The following SAMMSON variants were observed in gnomAD, a reference collection of about 807,000 sequenced individuals.
SAMMSON encodes the protein survival associated mitochondrial melanoma specific oncogenic non-coding RNA.
chr3:70,299,675 A>G (rs1385302863), intron 7 of SAMMSON, among the ~76,000 whole-genome samples: 3 of 152,084 alleles, frequency 2.0e-5, no homozygotes, highest in Non-Finnish European at 2.9e-5. Context: ...TGTGGATGCA[A>G]CAAGCTTCTA....
At chr3:70,171,286 C>T (rs1700944496) in intron 4 of SAMMSON, among the ~76,000 whole-genome samples, 1 of 151,862 alleles carries the variant, frequency 6.6e-6, no homozygotes, top group Admixed American at 6.6e-5. Context: ...GACAGGCTAA[C>T]CTATGTTTTT....
chr3:70,378,208 A>G (rs995668254), intron 9 of SAMMSON, among the ~76,000 whole-genome samples: 2 of 151,708 alleles, frequency 1.3e-5, no homozygotes, highest in African/African-American at 4.8e-5. Flanking sequence ...ATCACTCTGA[A>G]TGCTAATAAA....
chr3:70,061,931 T>C (rs1382561499), intron 3 of SAMMSON, among the ~76,000 whole-genome samples: 3 of 152,174 alleles, frequency 2.0e-5, no homozygotes, highest in African/African-American at 4.8e-5. Flanking sequence ...AATGATTCTA[T>C]GTGTAAACAA....
intron 6 of SAMMSON, among the ~76,000 whole-genome samples, chr3:70,287,887 G>A (rs1481309558): frequency 1.3e-5 from 2 of 151,970 alleles, no homozygotes; most frequent in Non-Finnish European, 2.9e-5. Flanking sequence ...TTGTATTTCT[G>A]TGGGATCAGT....
At chr3:70,337,011 TA>T (rs1264244562) in intron 7 of SAMMSON, among the ~76,000 whole-genome samples, 9 of 144,040 alleles carry the variant, frequency 6.2e-5, no homozygotes, top group African/African-American at 1.8e-4. Context: ...ATATCTAACT[TA>T]ATATTATTAT....
intron 9 of SAMMSON, among the ~76,000 whole-genome samples, chr3:70,385,394 T>C (rs757665741): frequency 6.6e-6 from 1 of 152,080 alleles, no homozygotes; most frequent in Non-Finnish European, 1.5e-5. Context: ...CCTCAGAACA[T>C]TTCATTGTTG....
intron 4 of SAMMSON, among the ~76,000 whole-genome samples, chr3:70,210,620 C>A (rs1701333644): frequency 6.6e-6 from 1 of 152,098 alleles, no homozygotes; most frequent in African/African-American, 2.4e-5. Context: ...AGTGTCATAT[C>A]TTCTGTAGAG....
intron 6 of SAMMSON, among the ~76,000 whole-genome samples, chr3:70,281,556 G>T (rs901321411): frequency 1.3e-5 from 2 of 152,150 alleles, no homozygotes; most frequent in African/African-American, 4.8e-5. Flanking sequence ...GTCTAGCACA[G>T]GGTAAAAGCT....
intron 9 of SAMMSON, among the ~76,000 whole-genome samples, chr3:70,386,316 C>A (rs1378998120): frequency 6.6e-6 from 1 of 151,954 alleles, no homozygotes. Flanking sequence ...GGTTAGAAAC[C>A]ACTATTATTC....
chr3:70,072,471 G>T (rs2067233693), intron 4 of SAMMSON: 1 of 151,058 alleles, frequency 6.6e-6, no homozygotes, highest in Non-Finnish European at 1.5e-5. Flanking sequence ...AGTTTATTTT[G>T]TGCTCACCCT....
At chr3:70,086,965 G>A (rs2067287637) in intron 4 of SAMMSON, among the ~76,000 whole-genome samples, 1 of 152,174 alleles carries the variant, frequency 6.6e-6, no homozygotes, top group Non-Finnish European at 1.5e-5. Flanking sequence ...CAAGGTTGCA[G>A]AGCTCCTGGC....
intron 7 of SAMMSON, among the ~76,000 whole-genome samples, chr3:70,314,335 A>G (rs190097587): frequency 1.8e-4 from 27 of 152,318 alleles, no homozygotes; most frequent in Non-Finnish European, 3.1e-4. Flanking sequence ...GTTGTAGAAT[A>G]CATATAATTA....
At chr3:70,160,722 C>T (rs1006150338) in intron 4 of SAMMSON, among the ~76,000 whole-genome samples, 3 of 151,966 alleles carry the variant, frequency 2.0e-5, no homozygotes, top group African/African-American at 7.2e-5. Context: ...TTTCTGAAAC[C>T]GCAACAAGGA....
chr3:70,073,072 A>G (rs1452246342), intron 4 of SAMMSON, among the ~76,000 whole-genome samples: 1 of 151,998 alleles, frequency 6.6e-6, no homozygotes, highest in Non-Finnish European at 1.5e-5. Flanking sequence ...AGGCGGAAGA[A>G]CCCTACTCTT....
intron 7 of SAMMSON, among the ~76,000 whole-genome samples, chr3:70,293,124 C>G: frequency 6.6e-6 from 1 of 150,496 alleles, no homozygotes; most frequent in East Asian, 1.9e-4. Flanking sequence ...CCAACTGCTG[C>G]TCTCCCTCCA....
At chr3:70,300,122 A>G (rs1299124648) in intron 7 of SAMMSON, among the ~76,000 whole-genome samples, 2 of 152,098 alleles carry the variant, frequency 1.3e-5, no homozygotes, top group Non-Finnish European at 2.9e-5. Context: ...CTACCTCTGA[A>G]TCGCATATCT....
chr3:70,293,136 C>A (rs1559556291), intron 7 of SAMMSON, among the ~76,000 whole-genome samples: 1 of 151,024 alleles, frequency 6.6e-6, no homozygotes, highest in Non-Finnish European at 1.5e-5. Flanking sequence ...CTCCCTCCAG[C>A]TTTTTACATT....
chr3:70,187,880 C>G (rs1701103852), intron 4 of SAMMSON, among the ~76,000 whole-genome samples: 1 of 152,108 alleles, frequency 6.6e-6, no homozygotes, highest in Non-Finnish European at 1.5e-5. Flanking sequence ...AAGCTCAGCC[C>G]TCTGGTTTCC....
chr3:70,216,269 A>T (rs1701411524), intron 4 of SAMMSON, among the ~76,000 whole-genome samples: 1 of 150,372 alleles, frequency 6.7e-6, no homozygotes, highest in Admixed American at 6.7e-5. Context: ...TTAATAACAA[A>T]TATACTATTC....
Sources: gnomAD v4.1 joint callset for allele counts (sites outside exome capture counted in the v4.1 genomes callset) on GRCh38, gnomAD v4.1.1 for gene constraint, MANE v1.5 for transcripts, NCBI Gene and HGNC (gene_info 2026-07-23, HGNC 2026-07-21) for gene names.